GNAQ: variants seen among roughly 807,000 people sequenced by gnomAD.
The protein encoded by GNAQ is guanine nucleotide-binding protein G(q) subunit alpha.
A neutral mutation model predicts 43.9 loss-of-function variants in GNAQ; 8 were observed. The ratio of observed to expected loss-of-function variants is 0.18; its 90% confidence interval spans 0.11 to 0.33. The LOEUF (loss-of-function observed/expected upper bound fraction) is 0.33, where lower values mean the gene tolerates loss of function less well. Ranked by LOEUF, GNAQ falls within the 10% of genes least tolerant of loss-of-function variation. GNAQ has a pLI of 1.00. For missense variants in GNAQ, 158 were observed against 450.8 expected, an observed-to-expected ratio of 0.35 and a Z score of 5.88; for synonymous variants, 155 against 170.7, an observed-to-expected ratio of 0.91 and a Z score of 0.71.
chr9:78,003,096 T>G (rs1823663346), intron 1 of GNAQ, among the ~76,000 whole-genome samples: 1 of 152,172 alleles, frequency 6.6e-6, no homozygotes, highest in Non-Finnish European at 1.5e-5. Context: ...GTAGAGGAAA[T>G]TTAGCAACCA....
chr9:77,901,942 A>G (rs530999328), intron 2 of GNAQ, among the ~76,000 whole-genome samples: 1 of 152,266 alleles, frequency 6.6e-6, no homozygotes, highest in South Asian at 2.1e-4. Context: ...GGCCTATTTT[A>G]TAGGAGGACT....
chr9:77,962,324 C>G (rs1823115966), intron 1 of GNAQ, among the ~76,000 whole-genome samples: 1 of 151,912 alleles, frequency 6.6e-6, no homozygotes, highest in Admixed American at 6.6e-5. Context: ...ATCTAAGACC[C>G]TCAACAAACA....
chr9:77,947,911 C>G (rs529288413), intron 1 of GNAQ, among the ~76,000 whole-genome samples: 1 of 152,196 alleles, frequency 6.6e-6, no homozygotes, highest in Admixed American at 6.5e-5. Context: ...GGACCTAGAG[C>G]AACTTACTTA....
chr9:78,021,462 T>C (rs899674672), intron 1 of GNAQ, among the ~76,000 whole-genome samples: 1 of 152,270 alleles, frequency 6.6e-6, no homozygotes, highest in Non-Finnish European at 1.5e-5. Context: ...TAGATGTTTC[T>C]ACCATTATCT....
At chr9:77,863,285 ATC>A (rs1215775467) in intron 2 of GNAQ, among the ~76,000 whole-genome samples, 1 of 152,162 alleles carries the variant, frequency 6.6e-6, no homozygotes, top group Non-Finnish European at 1.5e-5. Context: ...ACTCTAAATC[ATC>A]TCTCTCAAGT....
At chr9:77,764,403 G>C (rs769913555) in intron 5 of GNAQ, among the ~76,000 whole-genome samples, 1 of 151,912 alleles carries the variant, frequency 6.6e-6, no homozygotes, top group Non-Finnish European at 1.5e-5. Context: ...TTCCTGTATT[G>C]TGGATAAAGC....
At chr9:77,992,929 G>A (rs1823526863) in intron 1 of GNAQ, among the ~76,000 whole-genome samples, 1 of 152,076 alleles carries the variant, frequency 6.6e-6, no homozygotes, top group African/African-American at 2.4e-5. Context: ...TGTGCAACAG[G>A]GGCAAGACTC....
chr9:77,863,884 G>A (rs1827902732), intron 2 of GNAQ, among the ~76,000 whole-genome samples: 2 of 152,152 alleles, frequency 1.3e-5, no homozygotes, highest in Non-Finnish European at 2.9e-5. Flanking sequence ...GCAAGGGAAA[G>A]ACCTGCCGCC....
At chr9:77,978,868 C>A (rs1205678602) in intron 1 of GNAQ, among the ~76,000 whole-genome samples, 5 of 152,094 alleles carry the variant, frequency 3.3e-5, no homozygotes, top group Non-Finnish European at 7.3e-5. Flanking sequence ...CCAGCCTGGA[C>A]AACATGGTAA....
intron 2 of GNAQ, among the ~76,000 whole-genome samples, chr9:77,853,551 C>T (rs1338804540): frequency 6.6e-6 from 1 of 152,112 alleles, no homozygotes; most frequent in Non-Finnish European, 1.5e-5. Flanking sequence ...AAGAACTCGA[C>T]AGCCTTCCGG....
At chr9:77,803,932 A>C (rs1826786092) in intron 3 of GNAQ, among the ~76,000 whole-genome samples, 1 of 152,210 alleles carries the variant, frequency 6.6e-6, no homozygotes, top group Non-Finnish European at 1.5e-5. Context: ...TCTCTGGCTG[A>C]AGAAAAATAA....
At chr9:77,721,590 A>G in intron 6 of GNAQ, 77 bp from the exon 7 acceptor site, 1 of 851,798 alleles carries the variant, frequency 1.2e-6, no homozygotes, top group South Asian at 1.5e-5. Context: ...TTCAATAAAT[A>G]CTGTGTCATT....
intron 2 of GNAQ, among the ~76,000 whole-genome samples, chr9:77,880,555 GT>G (rs55926441): frequency 2.9e-3 from 413 of 141,454 alleles, no homozygotes; most frequent in African/African-American, 9.0e-3. Context: ...GATTTTTTCT[GT>G]TTTTTTTTTT....
intron 2 of GNAQ, among the ~76,000 whole-genome samples, chr9:77,865,518 T>C (rs925990256): frequency 6.6e-6 from 1 of 152,210 alleles, no homozygotes; most frequent in Non-Finnish European, 1.5e-5. Flanking sequence ...GCAAAGTCCA[T>C]GGAGCTGTTA....
chr9:77,969,851 C>T (rs1349091674), intron 1 of GNAQ, among the ~76,000 whole-genome samples: 2 of 152,262 alleles, frequency 1.3e-5, no homozygotes, highest in East Asian at 3.9e-4. Flanking sequence ...GCATGCATTC[C>T]GTAGACACAG....
chr9:77,933,088 A>G (rs866220329), intron 1 of GNAQ, among the ~76,000 whole-genome samples: 6 of 151,982 alleles, frequency 3.9e-5, no homozygotes, highest in African/African-American at 4.8e-5. Flanking sequence ...AATGAAAAGC[A>G]CTCTCGTACA....
At chr9:77,782,312 A>G (rs1449015064) in intron 5 of GNAQ, among the ~76,000 whole-genome samples, 1 of 152,212 alleles carries the variant, frequency 6.6e-6, no homozygotes, top group East Asian at 1.9e-4. Context: ...AAAATGCTCC[A>G]AAATTTTCTA....
At chr9:77,915,534 A>G (rs1828886108) in intron 2 of GNAQ, among the ~76,000 whole-genome samples, 1 of 151,552 alleles carries the variant, frequency 6.6e-6, no homozygotes, top group South Asian at 2.1e-4. Flanking sequence ...AAAACCATTT[A>G]TGAGACATTT....
intron 1 of GNAQ, among the ~76,000 whole-genome samples, chr9:77,967,766 G>A (rs1474039374): frequency 6.6e-6 from 1 of 152,086 alleles, no homozygotes; most frequent in Admixed American, 6.5e-5. Context: ...GATCACCTGA[G>A]GTCAGCAGTT....
Sources: allele counts gnomAD v4.1 joint callset (sites outside exome capture counted in the v4.1 genomes callset), GRCh38; gene constraint gnomAD v4.1.1; transcripts MANE v1.5; gene names NCBI Gene and HGNC (gene_info 2026-07-23, HGNC 2026-07-21).